The following CDH18 variants were observed in gnomAD, a reference collection of about 807,000 sequenced individuals.
The protein encoded by CDH18 is cadherin 18.
In CDH18, 31 loss-of-function variants were observed where a neutral mutation model predicts 67.9. The ratio of observed to expected loss-of-function variants is 0.46; its 90% CI spans 0.34 to 0.62. CDH18 has a LOEUF of 0.62. Among genes scored for constraint, CDH18 ranks in the 20% least tolerant of loss-of-function variants. The pLI is 0.01. For missense variants in CDH18, 890 were observed against 975.5 expected (o/e 0.91, Z 1.17); for synonymous variants, 362 against 347.2 (o/e 1.04, Z -0.48).
intron 7 of CDH18, among the ~76,000 whole-genome samples, chr5:19,581,173 C>G (rs62349551): frequency 0.065 from 9,828 of 151,956 alleles, 346 homozygotes; most frequent in Non-Finnish European, 0.074. Context: ...TCTTTAGCTA[C>G]TGCTCTATAT....
intron 1 of CDH18, among the ~76,000 whole-genome samples, chr5:20,489,726 G>A (rs986086944): frequency 7.3e-5 from 11 of 151,640 alleles, no homozygotes; most frequent in African/African-American, 2.4e-4. Context: ...ATTAATTGAC[G>A]TCCTGCAGCT....
chr5:19,943,405 T>C (rs778956950), intron 2 of CDH18, among the ~76,000 whole-genome samples: 10 of 152,102 alleles, frequency 6.6e-5, no homozygotes, highest in Non-Finnish European at 1.3e-4. Flanking sequence ...CAAGGAGATA[T>C]AGAAGGAATC....
At chr5:20,508,970 CA>C (rs1754843107) in intron 1 of CDH18, among the ~76,000 whole-genome samples, 1 of 151,992 alleles carries the variant, frequency 6.6e-6, no homozygotes, top group Non-Finnish European at 1.5e-5. Context: ...TTATAATTGA[CA>C]ATTAAAAATT....
At chr5:19,778,234 C>G (rs754949916) in intron 3 of CDH18, among the ~76,000 whole-genome samples, 1 of 152,110 alleles carries the variant, frequency 6.6e-6, no homozygotes, top group Non-Finnish European at 1.5e-5. Context: ...TACATTGAAC[C>G]TACATGATTA....
intron 2 of CDH18, among the ~76,000 whole-genome samples, chr5:20,074,136 T>G (rs1743727361): frequency 6.6e-6 from 1 of 152,108 alleles, no homozygotes; most frequent in Non-Finnish European, 1.5e-5. Context: ...TTAGGCTCTC[T>G]TTTTCAGTAG....
intron 1 of CDH18, among the ~76,000 whole-genome samples, chr5:20,356,924 T>C (rs972586354): frequency 6.6e-6 from 1 of 150,526 alleles, no homozygotes; most frequent in African/African-American, 2.4e-5. Flanking sequence ...TATACATATA[T>C]ACATATATAT....
At chr5:20,080,582 G>A (rs544612557) in intron 2 of CDH18, among the ~76,000 whole-genome samples, 143 of 152,182 alleles carry the variant, frequency 9.4e-4, no homozygotes, top group Non-Finnish European at 1.7e-3. Context: ...ATAAAGAGCA[G>A]AATTGCCTGA....
intron 1 of CDH18, among the ~76,000 whole-genome samples, chr5:20,507,850 A>C (rs558132006): frequency 6.6e-6 from 1 of 152,204 alleles, no homozygotes; most frequent in African/African-American, 2.4e-5. Context: ...TGCCCAACTA[A>C]ATTAAACTTT....
intron 3 of CDH18, among the ~76,000 whole-genome samples, chr5:19,768,621 CT>C (rs1291983035): frequency 5.9e-5 from 9 of 152,064 alleles, no homozygotes; most frequent in African/African-American, 2.2e-4. Flanking sequence ...TTAAAAATCT[CT>C]GTCAAATCAT....
At chr5:20,454,479 T>C (rs868003342) in intron 1 of CDH18, among the ~76,000 whole-genome samples, 6 of 152,252 alleles carry the variant, frequency 3.9e-5, no homozygotes, top group South Asian at 2.1e-4. Flanking sequence ...AAATGACTTA[T>C]GTAATCAAAT....
At position 20,254,402 on chromosome 5, in the gene CDH18, A is replaced by G. The variant is rs1298523052; in HGVS notation, c.-518+1042T>C. ...TGGGATTACAGGCATGAGCCACTGCACCCAGCCTATTTCCAGCATTCTTAA... is the reference window on the plus strand; with the variant it reads ...TGGGATTACAGGCATGAGCCACTGCGCCCAGCCTATTTCCAGCATTCTTAA... On this transcript the variant is annotated intron_variant, in intron 2 of 14. Coordinates refer to the CDH18 transcript ENST00000507958. 3.3e-5 allele frequency among the ~76,000 whole-genome samples: 5 copies of G among 152,144 alleles called. No individual in the cohort carries two copies. The East Asian group carries it at 9.7e-4, about 29-fold the overall frequency.
chr5:20,521,500 G>GTACTC (rs1197840262), intron 1 of CDH18, among the ~76,000 whole-genome samples: 1 of 152,168 alleles, frequency 6.6e-6, no homozygotes, highest in Non-Finnish European at 1.5e-5. Flanking sequence ...TTTTGATAAA[G>GTACTC]TGGTGTTTAA....
chr5:19,652,674 A>G (rs942594338), intron 5 of CDH18, among the ~76,000 whole-genome samples: 1 of 152,056 alleles, frequency 6.6e-6, no homozygotes, highest in Non-Finnish European at 1.5e-5. Context: ...TGGCGTTTAT[A>G]AAGAAAAAAT....
intron 1 of CDH18, among the ~76,000 whole-genome samples, chr5:20,398,923 C>T (rs995027905): frequency 9.6e-5 from 8 of 83,108 alleles, no homozygotes; most frequent in African/African-American, 3.5e-4. Flanking sequence ...AAAACCACCA[C>T]GGCACACGTA....
intron 2 of CDH18, among the ~76,000 whole-genome samples, chr5:20,090,597 T>C (rs1201739176): frequency 6.6e-6 from 1 of 152,102 alleles, no homozygotes; most frequent in Non-Finnish European, 1.5e-5. Context: ...GTGTTTACTA[T>C]GTGAAACTCT....
At chr5:19,563,167 G>A (rs1382243358) in intron 8 of CDH18, among the ~76,000 whole-genome samples, 3 of 151,956 alleles carry the variant, frequency 2.0e-5, no homozygotes, top group African/African-American at 7.2e-5. Context: ...TAGTCATTTT[G>A]TTTGTTTGTT....
intron 2 of CDH18, among the ~76,000 whole-genome samples, chr5:20,081,786 C>T (rs1028215169): frequency 5.9e-5 from 9 of 151,946 alleles, no homozygotes; most frequent in Admixed American, 5.9e-4. Context: ...GACACTGGGG[C>T]CTACTCGAGG....
intron 2 of CDH18, among the ~76,000 whole-genome samples, chr5:19,994,443 G>A (rs1735722878): frequency 1.3e-5 from 2 of 150,404 alleles, no homozygotes; most frequent in South Asian, 4.2e-4. Context: ...GTCATCCCAA[G>A]TTTTTGATAT....
At chr5:19,995,706 G>A (rs1735952171) in intron 2 of CDH18, among the ~76,000 whole-genome samples, 3 of 151,300 alleles carry the variant, frequency 2.0e-5, no homozygotes, top group Admixed American at 2.0e-4. Flanking sequence ...AGTTGTAAGT[G>A]CTCAGTAAAT....
Sources: allele counts gnomAD v4.1 joint callset (sites outside exome capture counted in the v4.1 genomes callset), GRCh38; gene constraint gnomAD v4.1.1; transcripts MANE v1.5; gene names NCBI Gene and HGNC (gene_info 2026-07-23, HGNC 2026-07-21).